NSD3: variants seen among roughly 807,000 people sequenced by gnomAD.
NSD3 encodes nuclear receptor binding SET domain protein 3, also known as histone-lysine N-methyltransferase NSD3.
NSD3 carries 24 observed loss-of-function variants against 160.8 expected under a neutral mutation model. The ratio of observed to expected loss-of-function variants is 0.15; its 90% CI spans 0.11 to 0.21. The LOEUF is 0.21. NSD3 is among the 10% of genes least tolerant of loss of function. The pLI is 1.00. For missense variants in NSD3, 1,157 were observed against 1,735.9 expected, an observed-to-expected ratio of 0.67 and a Z score of 5.93; for synonymous variants, 520 against 600.0, an observed-to-expected ratio of 0.87 and a Z score of 1.95.
intron 7 of NSD3, among the ~76,000 whole-genome samples, chr8:38,323,140 C>T (rs547979195): frequency 3.9e-5 from 6 of 152,232 alleles, no homozygotes; most frequent in Admixed American, 1.3e-4. Flanking sequence ...CTGCAACCTC[C>T]GCCTCCAGGG....
rs918094556 is a variant in NSD3, at chr8:38,381,997, A to T, written c.-243T>A. 1 of 152,378 alleles carries T rather than the reference A, an allele frequency of 6.6e-6. No individual in the cohort carries two copies. The highest frequency in any genetic ancestry group is 1.5e-5 in the Non-Finnish European group (1 of 68,044). The allele number at this position is 152,378 out of a possible 1,614,324, so 9.4% of individuals were successfully genotyped here. A position where few individuals can be genotyped will look rare whatever the true frequency, so the allele number is the denominator to read the frequency against. On this transcript the variant is annotated 5_prime_UTR_variant, in exon 1 of 24. Transcript: ENST00000317025. Reference sequence around the variant, plus strand: ...TCTGCCATGGCGGCCGGCACTGAGGAGGGCCACGGCCGGGCCGGGCCGGGC... The same window carrying T: ...TCTGCCATGGCGGCCGGCACTGAGGTGGGCCACGGCCGGGCCGGGCCGGGC...
At chr8:38,356,517 G>C (rs1030705390) in intron 1 of NSD3, among the ~76,000 whole-genome samples, 2 of 151,986 alleles carry the variant, frequency 1.3e-5, no homozygotes, top group Admixed American at 6.6e-5. Flanking sequence ...AGGCATTCAA[G>C]ACCAGCCTGG....
intron 2 of NSD3, among the ~76,000 whole-genome samples, chr8:38,341,120 A>T (rs1056320467): frequency 2.0e-5 from 3 of 152,052 alleles, no homozygotes; most frequent in Non-Finnish European, 4.4e-5. Context: ...GATGGAGCGA[A>T]ACCCCGTCTC....
chr8:38,301,742 G>T (rs990209534), intron 14 of NSD3, among the ~76,000 whole-genome samples: 1 of 152,168 alleles, frequency 6.6e-6, no homozygotes, highest in Non-Finnish European at 1.5e-5. Context: ...ATTTAATCTA[G>T]GTTTCAGTGT....
chr8:38,349,454 G>A (rs1196527531), intron 1 of NSD3, among the ~76,000 whole-genome samples: 2 of 151,630 alleles, frequency 1.3e-5, no homozygotes, highest in Admixed American at 1.3e-4. Flanking sequence ...AAAGTGCTGA[G>A]ATTATAGGCA....
chr8:38,366,672 A>G (rs2150393199), intron 1 of NSD3, among the ~76,000 whole-genome samples: 1 of 152,274 alleles, frequency 6.6e-6, no homozygotes, highest in African/African-American at 2.4e-5. Context: ...TCGGCCTCCC[A>G]AAGTGCTGGG....
At chr8:38,366,700 A>G (rs2150393214) in intron 1 of NSD3, among the ~76,000 whole-genome samples, 1 of 152,198 alleles carries the variant, frequency 6.6e-6, no homozygotes, top group Admixed American at 6.5e-5. Context: ...GTGTGAGCCA[A>G]CGTGCCCAGC....
At chr8:38,370,957 T>G (rs1811232314) in intron 1 of NSD3, among the ~76,000 whole-genome samples, 1 of 152,160 alleles carries the variant, frequency 6.6e-6, no homozygotes, top group Admixed American at 6.5e-5. Flanking sequence ...TTTTTTTTAA[T>G]GTATAAGGAT....
rs1808503427 is a variant in NSD3 at position 38,272,390 on chromosome 8, GATTAGAC to G, written c.*3244_*3250del. The G allele has an allele frequency of 6.6e-6, 1 of 152,310 alleles. No homozygotes were observed. The highest frequency in any genetic ancestry group is 2.1e-4 in the South Asian group (1 of 4,822). 9.4% of individuals were successfully genotyped at this position (152,310 alleles called of 1,614,324 possible). On this transcript the variant is annotated 3_prime_UTR_variant, in exon 24 of 24. Transcript: ENST00000317025. ...CCACCTCACTCCTGTATCTCTCCCTGATTAGACATTAAAGAGGTGAATCACTGCCTCT... is the reference window on the plus strand; with the variant it reads ...CCACCTCACTCCTGTATCTCTCCCTGATTAAAGAGGTGAATCACTGCCTCT...
intron 12 of NSD3, 109 bp from the exon 13 acceptor site, chr8:38,305,554 T>C: frequency 1.1e-6 from 1 of 939,996 alleles, no homozygotes; most frequent in Non-Finnish European, 1.5e-6. Flanking sequence ...TCTATTACTA[T>C]ACTTAAGAAT....
intron 15 of NSD3, 150 bp from the exon 16 acceptor site, chr8:38,296,102 A>G (rs1809132120): frequency 1.2e-6 from 1 of 833,426 alleles, no homozygotes; most frequent in South Asian, 1.9e-5. Context: ...GTGATGGATT[A>G]AAATAGCAAG....
intron 4 of NSD3, among the ~76,000 whole-genome samples, chr8:38,333,157 A>C (rs1810108228): frequency 6.6e-6 from 1 of 152,254 alleles, no homozygotes; most frequent in Admixed American, 6.5e-5. Flanking sequence ...TCCAAACATC[A>C]GAGTTATTTC....
intron 4 of NSD3, among the ~76,000 whole-genome samples, chr8:38,332,915 C>G (rs1340510654): frequency 6.6e-6 from 1 of 151,608 alleles, no homozygotes; most frequent in Non-Finnish European, 1.5e-5. Context: ...TTCAGAGAAC[C>G]CAAAGTAATT....
chr8:38,342,600 G>T (rs1378989978), intron 2 of NSD3, among the ~76,000 whole-genome samples: 1 of 150,084 alleles, frequency 6.7e-6, no homozygotes, highest in Non-Finnish European at 1.5e-5. Context: ...ACAGAGTCTT[G>T]CTCTGTTGCC....
Position 38,276,503 on chromosome 8 carries a change from G to A in NSD3, c.3868-3C>T, listed in dbSNP as rs2130979808. On this transcript the variant is annotated splice_polypyrimidine_tract_variant and splice_region_variant and intron_variant, in intron 22 of 23. Coordinates refer to ENST00000317025, the MANE Select transcript of NSD3 (RefSeq NM_023034.2). ...TCATTTGTTGACGCACATGCCGACT[G>A]GCAGGAAAGAAAGGATCATAGTTTC... 1 of 1,614,080 alleles carries A rather than the reference G, an allele frequency of 6.2e-7. No individual in the cohort carries two copies. The highest frequency in any genetic ancestry group is 8.5e-7 in the Non-Finnish European group (1 of 1,179,976).
chr8:38,307,102 G>A lies in NSD3; in HGVS notation c.2243-1657C>T, dbSNP rs1223271455. Among the ~76,000 whole-genome samples the A allele has an allele frequency of 4.4e-5, 6 of 136,426 alleles. No individual in the cohort carries two copies. The East Asian group carries it at 6.3e-4, about 14-fold the overall frequency. The allele number at this position is 136,426 out of a possible 152,430, so 89.5% of individuals were successfully genotyped here. The stretch of plus-strand genomic sequence containing the variant: ...CGCACTCCAGCCTGGGTGACAGAGC[G>A]AGATACCGTCTCAAAAAAAAAAAAA... On this transcript the variant is annotated intron_variant, in intron 12 of 23. Transcript: ENST00000317025.
chr8:38,358,963 T>C (rs1810891604), intron 1 of NSD3, among the ~76,000 whole-genome samples: 4 of 152,084 alleles, frequency 2.6e-5, no homozygotes, highest in Admixed American at 2.6e-4. Context: ...GTATATGGGT[T>C]TGGTAGGGTG....
chr8:38,362,039 T>C (rs1810979952), intron 1 of NSD3, among the ~76,000 whole-genome samples: 1 of 152,024 alleles, frequency 6.6e-6, no homozygotes, highest in Non-Finnish European at 1.5e-5. Context: ...GAAGGGCTTT[T>C]CTTCATATGT....
Position 38,363,761 on chromosome 8 carries a change from T to A in NSD3, c.-44-15546A>T, listed in dbSNP as rs1394291047. The A allele has an allele frequency of 6.6e-5, 10 of 151,796 alleles. No homozygotes were observed. The East Asian group carries it at 1.9e-3, about 29-fold the overall frequency. 9.4% of individuals were successfully genotyped at this position (151,796 alleles called of 1,614,324 possible). A position where few individuals can be genotyped will look rare whatever the true frequency, so the allele number is the denominator to read the frequency against. ...CGCTGACACCTTGATTTTAGTCCCA[T>A]GTCAGACATCAAGAAATGTAAAAGA... On this transcript the variant is annotated intron_variant, in intron 1 of 23. Coordinates refer to ENST00000317025, the MANE Select transcript of NSD3 (RefSeq NM_023034.2).
Sources: gnomAD v4.1 joint callset for allele counts (sites outside exome capture counted in the v4.1 genomes callset) on GRCh38, gnomAD v4.1.1 for gene constraint, MANE v1.5 for transcripts, NCBI Gene and HGNC (gene_info 2026-07-23, HGNC 2026-07-21) for gene names.